Variants in CHERP observed in about 807,000 individuals in gnomAD.
The protein encoded by CHERP is ERPROT 213-21.
Under a neutral mutation model 113.8 loss-of-function variants are expected in CHERP, and 8 were observed. The observed-to-expected ratio is 0.07, with a 90% CI of 0.04 to 0.13. The LOEUF (loss-of-function observed/expected upper bound fraction) is 0.13, where lower values mean the gene tolerates loss of function less well. Ranked by LOEUF, CHERP falls within the 10% of genes least tolerant of loss-of-function variation. The pLI, the probability that CHERP is intolerant of heterozygous loss-of-function variation, is 1.00. For missense variants in CHERP, 884 were observed against 1,298.2 expected (o/e 0.68, Z 4.90); for synonymous variants, 559 against 524.5 (o/e 1.07, Z -0.90).
At chr19:16,542,143 AG>A in intron 1 of CHERP, 100 bp from the exon 2 acceptor site, 2 of 1,378,142 alleles carry the variant, frequency 1.5e-6, no homozygotes. Flanking sequence ...GGGGACCCCA[AG>A]GGGGTGGGCC....
rs750866504 is a variant in CHERP, at chr19:16,520,708, G to A, written c.2201+118C>T. The A allele has an allele frequency of 5.3e-5, 63 of 1,193,052 alleles. No individual in the cohort carries two copies. The highest frequency in any genetic ancestry group is 7.5e-5 in the Non-Finnish European group (61 of 813,576). The allele number at this position is 1,193,052 out of a possible 1,614,324, so 73.9% of individuals were successfully genotyped here. On this transcript the variant is annotated intron_variant, in intron 13 of 16. Transcript: ENST00000546361. The surrounding 1 kb of genome is among the most constrained non-coding windows in gnomAD (Gnocchi z 4.0). ...GAATTCAGGCCTTGTGGAAAACACC[G>A]CCCCATAGGCACAGGCTGTGTGAGG...
At chr19:16,540,605 T>C (rs2085772418) in intron 2 of CHERP, among the ~76,000 whole-genome samples, 2 of 151,284 alleles carry the variant, frequency 1.3e-5, no homozygotes, top group South Asian at 4.2e-4. Context: ...ACTCCTAACC[T>C]CAAGTGATCT....
intron 12 of CHERP, 37 bp downstream of exon 12, chr19:16,521,484 A>T (rs763752504): frequency 4.2e-5 from 63 of 1,511,986 alleles, no homozygotes; most frequent in Non-Finnish European, 5.0e-5. Flanking sequence ...GAGGGGACAG[A>T]GGCCTCCCGC....
intron 3 of CHERP, among the ~76,000 whole-genome samples, chr19:16,534,057 C>T (rs61420814): frequency 0.19 from 14,662 of 77,148 alleles, 1,040 homozygotes; most frequent in African/African-American, 0.4. Flanking sequence ...CTTTTCTTTT[C>T]TTTTTTTTTT....
In CHERP at chr19:16,521,634, C is replaced by A; in HGVS notation, c.2001G>T (p.Lys667Asn). The change falls in exon 12 of 17, where the codon AAG (lysine) becomes AAT (asparagine). Residue 667 changes from lysine (K) to asparagine (N), a missense_variant. Physicochemically the swap from Lys to Asn is moderately conservative, Grantham distance 94. This residue lies in a region of CHERP where 464 missense variants were observed against 590.1 expected (regional missense o/e 0.79). Coordinates refer to ENST00000546361, the MANE Select transcript of CHERP (RefSeq NM_006387.6). The stretch of plus-strand genomic sequence containing the variant: ...GGCGGATGTCTTTAGGGTCCAAAGG[C>A]TTGTACTCGTGATCTTCCAGCTGCA... Reference protein sequence around the residue: ...PLVKLEDHEYKPLDPKDIRLP... With the variant: ...PLVKLEDHEYNPLDPKDIRLP... 6.3e-7 allele frequency: 1 copy of A among 1,596,626 alleles called. No individual in the cohort carries two copies. The highest frequency in any genetic ancestry group is 8.5e-7 in the Non-Finnish European group (1 of 1,169,898).
intron 9 of CHERP, among the ~76,000 whole-genome samples, chr19:16,527,808 A>C (rs1385734692): frequency 6.6e-6 from 1 of 152,186 alleles, no homozygotes; most frequent in East Asian, 1.9e-4. Context: ...TTGCAGCGTT[A>C]AACTCCCCTG....
chr19:16,518,922 G>A lies in CHERP; in HGVS notation c.*237C>T. ...TCGCTATAAAGGAAAACGAGCCTGG[G>A]GCCCTGGTGGCTGCAGCGCCTCCTG... is the stretch of plus-strand genomic sequence containing the variant. On this transcript the variant is annotated 3_prime_UTR_variant, in exon 17 of 17. Transcript: ENST00000546361. 2 of 558,166 alleles carry A rather than the reference G, an allele frequency of 3.6e-6. No homozygotes were observed. The highest frequency in any genetic ancestry group is 4.7e-5 in the South Asian group (2 of 42,408). The allele number at this position is 558,166 out of a possible 1,614,324, so 34.6% of individuals were successfully genotyped here.
chr19:16,524,843 C>T (rs1206034293), intron 10 of CHERP, among the ~76,000 whole-genome samples: 1 of 151,926 alleles, frequency 6.6e-6, no homozygotes, highest in Non-Finnish European at 1.5e-5. Context: ...ACCGCAACCT[C>T]AGCCTTCTGA....
rs374368678 is a variant in CHERP, at chr19:16,519,141, G to A, written c.*18C>T. The A allele has an allele frequency of 1.3e-5, 21 of 1,606,244 alleles. No individual in the cohort carries two copies. The highest frequency in any genetic ancestry group is 1.7e-4 in the Middle Eastern group (1 of 6,060). ...AGCCGGCACCGCTGGCCACCGGCGC[G>A]GCTCCCGGCATGGGCGCCTACTTAC... On this transcript the variant is annotated 3_prime_UTR_variant, in exon 17 of 17. Transcript: ENST00000546361. The surrounding 1 kb of genome is among the most constrained non-coding windows in gnomAD (Gnocchi z 6.0).
intron 12 of CHERP, 42 bp downstream of exon 12, chr19:16,521,479 G>T (rs2122244569): frequency 1.3e-6 from 2 of 1,505,710 alleles, no homozygotes; most frequent in Middle Eastern, 2.1e-4. Flanking sequence ...CGGGAGAGGG[G>T]ACAGAGGCCT....
intron 1 of CHERP, 41 bp downstream of exon 1, chr19:16,542,313 C>A: frequency 7.1e-7 from 1 of 1,405,156 alleles, no homozygotes; most frequent in South Asian, 1.7e-5. Context: ...TAGGAGGTTC[C>A]GGGGAGAGAG....
rs374474150 is a variant in CHERP, at chr19:16,520,798, C to T, written c.2201+28G>A. 3.4e-5 allele frequency: 55 copies of T among 1,602,468 alleles called. 1 individual carries two copies. The highest frequency in any genetic ancestry group is 3.0e-4 in the South Asian group (27 of 90,894). ...TCACAAGCTGTGGACCCTGGCCCCC[C>T]GGCCACTGCAGACATCTGCGCTTTT... On this transcript the variant is annotated intron_variant, in intron 13 of 16. Transcript: ENST00000546361. This position sits in a 1 kb window ranked among gnomAD's most constrained non-coding sequence, Gnocchi z 4.0.
intron 3 of CHERP, among the ~76,000 whole-genome samples, chr19:16,534,002 C>T (rs1234007955): frequency 6.6e-6 from 1 of 151,992 alleles, no homozygotes; most frequent in Non-Finnish European, 1.5e-5. Context: ...GCAGGCCTCC[C>T]ACTCCATGAT....
intron 2 of CHERP, among the ~76,000 whole-genome samples, chr19:16,539,387 T>C (rs1039191553): frequency 1.3e-5 from 2 of 152,092 alleles, no homozygotes; most frequent in Admixed American, 1.3e-4. Context: ...GACCTCGTGA[T>C]CCGCCCGCCT....
At chr19:16,540,835 C>G (rs908029512) in intron 2 of CHERP, among the ~76,000 whole-genome samples, 17 of 151,558 alleles carry the variant, frequency 1.1e-4, no homozygotes, top group African/African-American at 4.1e-4. Flanking sequence ...GTAGCTGGGA[C>G]TACAGGCGCG....
At chr19:16,522,571 T>C (rs1568505171) in intron 11 of CHERP, among the ~76,000 whole-genome samples, 1 of 152,126 alleles carries the variant, frequency 6.6e-6, no homozygotes. Context: ...ACCTGGCCCC[T>C]TCTTGCCTCA....
At chr19:16,540,956 C>T (rs1488664763) in intron 2 of CHERP, among the ~76,000 whole-genome samples, 1 of 152,118 alleles carries the variant, frequency 6.6e-6, no homozygotes, top group Non-Finnish European at 1.5e-5. Context: ...CCTTGGACTC[C>T]CAAAGTGCTG....
rs1391022567 is a variant in CHERP, at chr19:16,532,273, C to A, written c.674+325G>T. The A allele has an allele frequency of 3.5e-6, 1 of 287,938 alleles. No individual in the cohort carries two copies. Among genetic ancestry groups the A allele is most frequent in the East Asian group, 6.7e-5 (1 of 14,898 alleles). The allele number at this position is 287,938 out of a possible 1,614,324, so 17.8% of individuals were successfully genotyped here. The stretch of plus-strand genomic sequence containing the variant: ...AAGGAGGCCGTGGCTGAGAAGGCAA[C>A]AAGGAGACGCCAAGAAGCTGCCCCA... On this transcript the variant is annotated intron_variant, in intron 5 of 16. Coordinates refer to ENST00000546361, the MANE Select transcript of CHERP (RefSeq NM_006387.6). This position sits in a 1 kb window ranked among gnomAD's most constrained non-coding sequence, Gnocchi z 4.4.
Position 16,542,428 on chromosome 19 carries a change from C to T in CHERP, c.-50G>A, listed in dbSNP as rs2085787422. ...CCGGCGCCACACGATCGACCACCAGCGCCGTCTGCGGAAGCCGGCCGGAAG... is the reference window on the plus strand; with the variant it reads ...CCGGCGCCACACGATCGACCACCAGTGCCGTCTGCGGAAGCCGGCCGGAAG... On this transcript the variant is annotated 5_prime_UTR_variant, in exon 1 of 17. Coordinates refer to ENST00000546361, the MANE Select transcript of CHERP (RefSeq NM_006387.6). 1 of 1,314,798 alleles carries T rather than the reference C, an allele frequency of 7.6e-7. No individual in the cohort carries two copies. Among genetic ancestry groups the T allele is most frequent in the African/African-American group, 1.5e-5 (1 of 66,210 alleles). 81.4% of individuals were successfully genotyped at this position (1,314,798 alleles called of 1,614,324 possible).
Sources: allele counts gnomAD v4.1 joint callset (sites outside exome capture counted in the v4.1 genomes callset), GRCh38; gene constraint gnomAD v4.1.1; regional missense constraint gnomAD v4.1.1; non-coding constraint Gnocchi (gnomAD v3.1); transcripts MANE v1.5; gene names NCBI Gene and HGNC (gene_info 2026-07-23, HGNC 2026-07-21).